Variants in CTNNBL1 observed in about 807,000 individuals in gnomAD.
CTNNBL1 encodes the protein beta-catenin-like protein 1.
CTNNBL1 carries 31 observed loss-of-function variants against 72.7 expected under a neutral mutation model. The observed-to-expected ratio is 0.43, with a 90% confidence interval of 0.32 to 0.58. The LOEUF (loss-of-function observed/expected upper bound fraction) is 0.58, where lower values mean the gene tolerates loss of function less well. CTNNBL1 is among the 20% of genes least tolerant of loss of function. The pLI is 0.08. For missense variants in CTNNBL1, 534 were observed against 725.1 expected, an observed-to-expected ratio of 0.74 and a Z score of 3.03; for synonymous variants, 240 against 267.3, an observed-to-expected ratio of 0.90 and a Z score of 1.00.
intron 10 of CTNNBL1, among the ~76,000 whole-genome samples, chr20:37,789,875 C>G (rs2073708501): frequency 6.6e-6 from 1 of 152,176 alleles, no homozygotes; most frequent in South Asian, 2.1e-4. Flanking sequence ...CTGTAAAACC[C>G]TGTTCCAGTT....
At chr20:37,699,860 C>T (rs2072825025) in intron 1 of CTNNBL1, among the ~76,000 whole-genome samples, 1 of 152,180 alleles carries the variant, frequency 6.6e-6, no homozygotes, top group Non-Finnish European at 1.5e-5. Flanking sequence ...CTCTTCCTCT[C>T]TTGTGGGCAT....
In CTNNBL1 at chr20:37,868,031, C is replaced by G. The variant is rs1222276296; in HGVS notation, c.1604-3894C>G. 2.0e-5 allele frequency among the ~76,000 whole-genome samples: 3 copies of G among 152,270 alleles called. No individual in the cohort carries two copies. The East Asian group carries it at 5.8e-4, about 29-fold the overall frequency. ...GTGGGACCCTGGCCATCCACGTGCC[C>G]CCTCAGGGCTGCAATAAATTTCTGA... On this transcript the variant is annotated intron_variant, in intron 15 of 15. Transcript: ENST00000361383.
chr20:37,868,700 C>T (rs929482169), intron 15 of CTNNBL1, among the ~76,000 whole-genome samples: 5 of 152,254 alleles, frequency 3.3e-5, no homozygotes, highest in Admixed American at 6.5e-5. Context: ...AGCGAGGCCT[C>T]GGCACAGGTG....
At chr20:37,739,055 C>T (rs2073192621) in intron 3 of CTNNBL1, among the ~76,000 whole-genome samples, 1 of 150,062 alleles carries the variant, frequency 6.7e-6, no homozygotes, top group African/African-American at 2.5e-5. Context: ...AGGTTTTGTA[C>T]TGATCTCCAC....
At chr20:37,831,419 G>A (rs2072208902) in intron 11 of CTNNBL1, among the ~76,000 whole-genome samples, 1 of 151,472 alleles carries the variant, frequency 6.6e-6, no homozygotes, top group Admixed American at 6.6e-5. Context: ...AGACTGGAGT[G>A]CAGTGGTGCG....
intron 1 of CTNNBL1, among the ~76,000 whole-genome samples, chr20:37,729,081 GA>G (rs778790144): frequency 2.3e-4 from 35 of 152,312 alleles, no homozygotes; most frequent in South Asian, 4.1e-4. Context: ...TTGAATTAAT[GA>G]TTTAAAAAGT....
At chr20:37,820,532 A>G (rs1195604438) in intron 11 of CTNNBL1, among the ~76,000 whole-genome samples, 1 of 152,144 alleles carries the variant, frequency 6.6e-6, no homozygotes, top group Non-Finnish European at 1.5e-5. Context: ...TTAAATTGTA[A>G]TTCTCACATA....
chr20:37,823,441 G>T (rs1220541498), intron 11 of CTNNBL1, among the ~76,000 whole-genome samples: 3 of 152,216 alleles, frequency 2.0e-5, no homozygotes, highest in Admixed American at 6.5e-5. Context: ...AAGCCCTGGA[G>T]CCTGGAGGGA....
chr20:37,822,050 T>G (rs1056403721), intron 11 of CTNNBL1, among the ~76,000 whole-genome samples: 16 of 152,072 alleles, frequency 1.1e-4, no homozygotes, highest in African/African-American at 3.9e-4. Flanking sequence ...GGAAACTAAG[T>G]CCCAGAAAGG....
At chr20:37,818,592 C>T (rs1225540979) in intron 11 of CTNNBL1, among the ~76,000 whole-genome samples, 2 of 152,158 alleles carry the variant, frequency 1.3e-5, no homozygotes, top group Admixed American at 6.5e-5. Context: ...AGGCAGAGGA[C>T]CTGGACCAGG....
At chr20:37,802,819 T>TATA (rs773965400) in intron 10 of CTNNBL1, 48 bp from the exon 11 acceptor site, 7 of 1,472,760 alleles carry the variant, frequency 4.8e-6, no homozygotes, top group Non-Finnish European at 6.5e-6. Flanking sequence ...TTTTAAGCTC[T>TATA]ATAATTTCCC....
intron 11 of CTNNBL1, among the ~76,000 whole-genome samples, chr20:37,826,806 T>G (rs1193492332): frequency 6.6e-6 from 1 of 152,256 alleles, no homozygotes; most frequent in African/African-American, 2.4e-5. Flanking sequence ...GCAGACAGCA[T>G]TACATTTCAT....
chr20:37,794,860 T>C (rs1029062637), intron 10 of CTNNBL1, among the ~76,000 whole-genome samples: 3 of 152,166 alleles, frequency 2.0e-5, no homozygotes, highest in African/African-American at 7.2e-5. Flanking sequence ...ATAGGGTTTT[T>C]CTGGGAGTTT....
intron 13 of CTNNBL1, among the ~76,000 whole-genome samples, chr20:37,849,098 T>G (rs1486852978): frequency 6.6e-6 from 1 of 152,216 alleles, no homozygotes; most frequent in Non-Finnish European, 1.5e-5. Context: ...CTCATATCTC[T>G]GCAGCCTATC....
chr20:37,825,119 A>C (rs1172667377), intron 11 of CTNNBL1, among the ~76,000 whole-genome samples: 1 of 151,762 alleles, frequency 6.6e-6, no homozygotes, highest in Admixed American at 6.6e-5. Flanking sequence ...TTTAGAGACC[A>C]AGGCGGGCAG....
chr20:37,798,050 G>A (rs1600494532), intron 10 of CTNNBL1, among the ~76,000 whole-genome samples: 1 of 152,022 alleles, frequency 6.6e-6, no homozygotes, highest in African/African-American at 2.4e-5. Flanking sequence ...TACCTCCACC[G>A]TAGGACTTAG....
intron 1 of CTNNBL1, among the ~76,000 whole-genome samples, chr20:37,721,001 G>C (rs1026575180): frequency 2.6e-5 from 4 of 152,194 alleles, no homozygotes; most frequent in Non-Finnish European, 4.4e-5. Context: ...ACATTTGAGT[G>C]GGGGCTTAAG....
At chr20:37,848,344 C>T (rs1376774877) in intron 13 of CTNNBL1, among the ~76,000 whole-genome samples, 4 of 151,848 alleles carry the variant, frequency 2.6e-5, no homozygotes, top group African/African-American at 7.3e-5. Context: ...TTTGTAGAGA[C>T]GAGGTCTTGC....
chr20:37,825,227 C>T (rs1273014030), intron 11 of CTNNBL1, among the ~76,000 whole-genome samples: 2 of 152,004 alleles, frequency 1.3e-5, no homozygotes, highest in Non-Finnish European at 2.9e-5. Flanking sequence ...GTGGCAGGCA[C>T]CTGTAATCCC....
Sources: gnomAD v4.1 joint callset for allele counts (sites outside exome capture counted in the v4.1 genomes callset) on GRCh38, gnomAD v4.1.1 for gene constraint, MANE v1.5 for transcripts, NCBI Gene and HGNC (gene_info 2026-07-23, HGNC 2026-07-21) for gene names.